The following LAMB4 variants were observed in gnomAD, a reference collection of about 807,000 sequenced individuals.
LAMB4 encodes laminin subunit beta-4.
A neutral mutation model predicts 199.2 loss-of-function variants in LAMB4; 196 were observed. The observed-to-expected ratio is 0.98, with a 90% CI of 0.88 to 1.11. LAMB4 has a LOEUF of 1.11. Ranked by LOEUF, LAMB4 falls within the 50% of genes least tolerant of loss-of-function variation. LAMB4 has a pLI of 0.00. For missense variants in LAMB4, 2,080 were observed against 2,171.2 expected, an observed-to-expected ratio of 0.96 and a Z score of 0.83; for synonymous variants, 744 against 770.6, an observed-to-expected ratio of 0.97 and a Z score of 0.57.
At chr7:108,014,456 A>G in the LAMB4 span, among the ~76,000 whole-genome samples, 1 of 150,688 alleles carries the variant, frequency 6.6e-6, no homozygotes, top group Non-Finnish European at 1.5e-5. Flanking sequence ...TTGAGTTGAG[A>G]AAGTTGTTTT....
rs1333482138 is a variant in LAMB4, at chr7:108,127,175, G to GT, written c.-34+3130dup. Among the ~76,000 whole-genome samples the GT allele has an allele frequency of 2.7e-3, 371 of 138,134 alleles. 1 individual carries two copies. Among genetic ancestry groups the GT allele is most frequent in the South Asian group, 9.6e-3 (41 of 4,284 alleles). The allele number at this position is 138,134 out of a possible 152,430, so 90.6% of individuals were successfully genotyped here. ...TTTACTGCACATTAAAATCACCAGG[G>GT]TTTTTTTTTTTGTGTTTTTTTTTTT... On this transcript the variant is annotated intron_variant, in intron 1 of 33. Coordinates refer to ENST00000388781, the MANE Select transcript of LAMB4 (RefSeq NM_007356.3).
the LAMB4 span, among the ~76,000 whole-genome samples, chr7:108,018,087 CTAA>C: frequency 6.6e-6 from 1 of 152,226 alleles, no homozygotes; most frequent in Non-Finnish European, 1.5e-5. Flanking sequence ...CGCAAAGAGA[CTAA>C]TGAGGATGCT....
intron 14 of LAMB4, 44 bp from the exon 15 acceptor site, chr7:108,079,830 GCCTGAAAGAGTTC>G: frequency 1.4e-6 from 2 of 1,454,494 alleles, no homozygotes; most frequent in Non-Finnish European, 1.8e-6. Flanking sequence ...TACAGTCAAG[GCCTGAAAGAGTTC>G]AAGAAAACCA....
chr7:108,096,738 C>T (rs2037613946), intron 11 of LAMB4, among the ~76,000 whole-genome samples: 1 of 148,154 alleles, frequency 6.7e-6, no homozygotes, highest in Non-Finnish European at 1.5e-5. Flanking sequence ...TGAAGACCAG[C>T]CTAGGAAACA....
At chr7:108,025,326 G>C (rs2034790993) in intron 33 of LAMB4, among the ~76,000 whole-genome samples, 1 of 151,960 alleles carries the variant, frequency 6.6e-6, no homozygotes, top group Non-Finnish European at 1.5e-5. Flanking sequence ...AAAGATGAAA[G>C]AGCTAATGTG....
At chr7:108,046,826 C>T (rs114504720) in intron 28 of LAMB4, among the ~76,000 whole-genome samples, 2,495 of 151,818 alleles carry the variant, frequency 0.016, 63 homozygotes, top group African/African-American at 0.051. Flanking sequence ...TTCAAATATA[C>T]CCTTACATAT....
chr7:108,118,730 G>A (rs2038496456), intron 2 of LAMB4, among the ~76,000 whole-genome samples: 1 of 151,970 alleles, frequency 6.6e-6, no homozygotes, highest in South Asian at 2.1e-4. Flanking sequence ...TTAGGGCTAG[G>A]TGAATAATTT....
intron 1 of LAMB4, among the ~76,000 whole-genome samples, chr7:108,123,998 T>C (rs2038690803): frequency 6.6e-6 from 1 of 151,882 alleles, no homozygotes; most frequent in African/African-American, 2.4e-5. Context: ...GAAAAGAAGG[T>C]AAAATTTGTA....
intron 23 of LAMB4, among the ~76,000 whole-genome samples, chr7:108,060,654 G>C (rs775272165): frequency 2.6e-5 from 4 of 152,222 alleles, no homozygotes; most frequent in Non-Finnish European, 4.4e-5. Flanking sequence ...GAGCCACTGA[G>C]AGATCTTCTA....
At position 108,107,794 on chromosome 7, in the gene LAMB4, AC is replaced by A. The variant is rs1258508977; in HGVS notation, c.427del (p.Val143LeufsTer58). ...GTGTCCATAGTCTGTGGAACGTTCA[AC>A]TAACATTGCAGCAGGCCGAAAAGTC... Reference protein sequence around the residue: ...FKTFRPAAMLVERSTDYGHNW... With the variant: ...FKTFRPAAMLXERSTDYGHNW... On this transcript the variant is annotated frameshift_variant, in exon 6 of 34. Transcript: ENST00000388781. LOFTEE classifies it high-confidence loss of function. 44 of 1,598,276 alleles carry A rather than the reference AC, an allele frequency of 2.8e-5. No individual in the cohort carries two copies. Among genetic ancestry groups the A allele is most frequent in the Non-Finnish European group, 3.6e-5 (42 of 1,175,900 alleles).
At chr7:108,120,493 G>A (rs2038560626) in intron 2 of LAMB4, among the ~76,000 whole-genome samples, 1 of 152,148 alleles carries the variant, frequency 6.6e-6, no homozygotes. Context: ...TCTAAAACAA[G>A]GGCACATTTC....
intron 23 of LAMB4, 62 bp from the exon 24 acceptor site, chr7:108,057,990 TAATAGGA>T: frequency 1.8e-6 from 2 of 1,104,518 alleles, no homozygotes; most frequent in South Asian, 2.5e-5. Flanking sequence ...AAATGCATTT[TAATAGGA>T]AATATTTTCC....
chr7:108,096,538 G>A (rs553858033), intron 11 of LAMB4, among the ~76,000 whole-genome samples: 1 of 152,222 alleles, frequency 6.6e-6, no homozygotes, highest in East Asian at 1.9e-4. Flanking sequence ...TTTGTGGGGG[G>A]ATGAAAATGA....
At chr7:108,121,081 C>T (rs142538459) in intron 2 of LAMB4, among the ~76,000 whole-genome samples, 4 of 152,306 alleles carry the variant, frequency 2.6e-5, no homozygotes, top group Admixed American at 2.0e-4. Flanking sequence ...TGCCAAATCA[C>T]ATTAGCAACG....
At chr7:108,042,062 G>A (rs143579420) in intron 29 of LAMB4, among the ~76,000 whole-genome samples, 1 of 152,008 alleles carries the variant, frequency 6.6e-6, no homozygotes, top group Non-Finnish European at 1.5e-5. Flanking sequence ...AAAAATATTA[G>A]GGTGGTCAAA....
chr7:108,011,922 T>C, the LAMB4 span, among the ~76,000 whole-genome samples: 484 of 151,704 alleles, frequency 3.2e-3, 1 homozygote, highest in Non-Finnish European at 5.2e-3. Flanking sequence ...TAGAAGGAGA[T>C]GTAGCAAATA....
At chr7:108,106,634 C>CTA in intron 6 of LAMB4, 62 bp from the exon 7 acceptor site, 1 of 956,900 alleles carries the variant, frequency 1.0e-6, no homozygotes, top group South Asian at 1.5e-5. Context: ...GTCAAACACA[C>CTA]TCTTTTTTTT....
chr7:108,056,829 G>C (rs181569261), intron 24 of LAMB4, among the ~76,000 whole-genome samples: 174 of 152,200 alleles, frequency 1.1e-3, no homozygotes, highest in African/African-American at 4.0e-3. Context: ...AATTAGCCAG[G>C]TGTGGTGGCA....
chr7:108,092,242 A>G (rs567970360), intron 13 of LAMB4, 95 bp downstream of exon 13: 1 of 864,664 alleles, frequency 1.2e-6, no homozygotes, highest in African/African-American at 1.7e-5. Flanking sequence ...CTTGTCATGG[A>G]ATGAAATTTT....
Sources: allele counts gnomAD v4.1 joint callset (sites outside exome capture counted in the v4.1 genomes callset), GRCh38; gene constraint gnomAD v4.1.1; transcripts MANE v1.5; gene names NCBI Gene and HGNC (gene_info 2026-07-23, HGNC 2026-07-21).